The following GPR89B variants were observed in gnomAD, a reference collection of about 807,000 sequenced individuals.
GPR89B encodes the protein G protein-coupled receptor 89B.
GPR89B carries 25 observed loss-of-function variants against 52.4 expected under a neutral mutation model. The observed-to-expected ratio is 0.48, with a 90% CI of 0.35 to 0.67. The LOEUF (loss-of-function observed/expected upper bound fraction) is 0.67, where lower values mean the gene tolerates loss of function less well. GPR89B is among the 30% of genes least tolerant of loss of function. The probability of loss-of-function intolerance (pLI) is 0.01; values close to 1 mark genes in which losing one functional copy is unlikely to be tolerated. For synonymous variants in GPR89B, 52 were observed against 151.2 expected (o/e 0.34, Z 4.81); for missense variants, 146 against 450.2 (o/e 0.32, Z 6.11).
At chr1:147,986,345 A>G in intron 11 of GPR89B, 51 bp downstream of exon 11, 9 of 1,606,596 alleles carry the variant, frequency 5.6e-6, no homozygotes, top group East Asian at 2.2e-5. Context: ...TTTATCTGCT[A>G]TAACTTATCA....
At chr1:147,954,966 C>T (rs2784383) in intron 7 of GPR89B, among the ~76,000 whole-genome samples, 2 of 151,472 alleles carry the variant, frequency 1.3e-5, no homozygotes, top group South Asian at 2.1e-4. Context: ...TTATTTATTA[C>T]ATTCATCATG....
chr1:147,937,559 C>A (rs1654192658), intron 2 of GPR89B, among the ~76,000 whole-genome samples: 2 of 152,108 alleles, frequency 1.3e-5, no homozygotes, highest in Non-Finnish European at 2.9e-5. Context: ...CCCAGAGCGG[C>A]CATTCATAGA....
intron 10 of GPR89B, among the ~76,000 whole-genome samples, chr1:147,985,906 T>A (rs1658628484): frequency 6.6e-6 from 1 of 152,246 alleles, no homozygotes; most frequent in African/African-American, 2.4e-5. Context: ...TGACTTCATC[T>A]ACCAAAATGT....
intron 5 of GPR89B, among the ~76,000 whole-genome samples, chr1:147,950,653 G>C (rs1655590381): frequency 6.6e-6 from 1 of 152,232 alleles, no homozygotes; most frequent in African/African-American, 2.4e-5. Context: ...ATTGAGCACT[G>C]AGTGAACCAG....
chr1:148,023,787 AT>A, the GPR89B span, among the ~76,000 whole-genome samples: 5 of 150,824 alleles, frequency 3.3e-5, no homozygotes, highest in African/African-American at 1.2e-4. Flanking sequence ...TAATGGGATT[AT>A]TTTTTTTCTT....
At chr1:147,973,334 CT>C (rs1369012082) in intron 10 of GPR89B, among the ~76,000 whole-genome samples, 1 of 152,044 alleles carries the variant, frequency 6.6e-6, no homozygotes, top group African/African-American at 2.4e-5. Context: ...TGTTTCTTGA[CT>C]TTTTAATAAT....
chr1:147,933,979 A>T (rs1374504136), intron 1 of GPR89B, among the ~76,000 whole-genome samples: 1 of 151,678 alleles, frequency 6.6e-6, no homozygotes, highest in Non-Finnish European at 1.5e-5. Flanking sequence ...CAGTGATTGG[A>T]CATCCACTCC....
chr1:147,955,508 T>C lies in GPR89B; in HGVS notation c.617+1106T>C, dbSNP rs1477537511. Reference sequence around the variant, plus strand: ...ACTATTTTCCATAGGGTTGTGCTAATTTATATTTCCACAAACAATGTAATA... The same window carrying C: ...ACTATTTTCCATAGGGTTGTGCTAACTTATATTTCCACAAACAATGTAATA... On this transcript the variant is annotated intron_variant, in intron 7 of 13. Transcript: ENST00000314163. 6.4e-4 allele frequency among the ~76,000 whole-genome samples: 98 copies of C among 152,008 alleles called. 1 individual carries two copies. Among genetic ancestry groups the C allele is most frequent in the Non-Finnish European group, 8.5e-4 (58 of 68,010 alleles).
chr1:147,986,530 T>C (rs1423584823), intron 11 of GPR89B, among the ~76,000 whole-genome samples: 3 of 152,152 alleles, frequency 2.0e-5, no homozygotes, highest in African/African-American at 7.2e-5. Flanking sequence ...TAATGACTGA[T>C]ACTTAATATT....
chr1:147,985,595 A>T (rs2796949), intron 10 of GPR89B, among the ~76,000 whole-genome samples: 6,039 of 150,748 alleles, frequency 0.04, 159 homozygotes, highest in African/African-American at 0.065. Flanking sequence ...GCTCACCTAT[A>T]ATGCAGACCA....
At chr1:148,019,009 G>C in the GPR89B span, among the ~76,000 whole-genome samples, 1 of 149,680 alleles carries the variant, frequency 6.7e-6, no homozygotes, top group South Asian at 2.1e-4. Context: ...ACAGAGTCTC[G>C]CTCTGTCACC....
chr1:147,952,121 A>G (rs2995484), intron 5 of GPR89B, among the ~76,000 whole-genome samples: 6,666 of 151,856 alleles, frequency 0.044, 234 homozygotes, highest in African/African-American at 0.074. Context: ...AGTAACTGCC[A>G]AAGGCAATGG....
At chr1:147,933,286 T>C (rs1249644091) in intron 1 of GPR89B, among the ~76,000 whole-genome samples, 1 of 151,960 alleles carries the variant, frequency 6.6e-6, no homozygotes, top group Non-Finnish European at 1.5e-5. Context: ...TCCCCACTGC[T>C]TTAGCTCCCA....
chr1:148,013,626 C>G, the GPR89B span, among the ~76,000 whole-genome samples: 1 of 152,044 alleles, frequency 6.6e-6, no homozygotes, highest in Non-Finnish European at 1.5e-5. Context: ...ATGTGGCCAG[C>G]TCCTGGGCCA....
At chr1:147,994,766 T>G (rs1343244853), downstream of GPR89B, among the ~76,000 whole-genome samples, 16 of 152,178 alleles carry the variant, frequency 1.1e-4, no homozygotes, top group African/African-American at 2.9e-4. Context: ...TATTAAGCAT[T>G]CCTGAATACA....
chr1:148,006,818 G>A, the GPR89B span, among the ~76,000 whole-genome samples: 1 of 151,500 alleles, frequency 6.6e-6, no homozygotes, highest in Non-Finnish European at 1.5e-5. Flanking sequence ...CCCGGTTCAA[G>A]CGATTCTTCT....
intron 1 of GPR89B, among the ~76,000 whole-genome samples, chr1:147,933,242 T>C (rs587630553): frequency 0.022 from 3,290 of 151,368 alleles, 55 homozygotes; most frequent in Non-Finnish European, 0.035. Flanking sequence ...TTTTTCTCAT[T>C]CCTGGCTCTC....
intron 13 of GPR89B, 57 bp from the exon 14 acceptor site, chr1:147,992,654 T>C: frequency 1.4e-6 from 2 of 1,454,804 alleles, no homozygotes; most frequent in East Asian, 2.3e-5. Flanking sequence ...TAATTTCCTT[T>C]GTCCTGTTCC....
chr1:147,968,183 A>G (rs1657168385), intron 8 of GPR89B: 1 of 440,516 alleles, frequency 2.3e-6, no homozygotes, highest in African/African-American at 2.0e-5. Context: ...CCTGTTCTCT[A>G]AATGGGAGAA....
Sources: gnomAD v4.1 joint callset for allele counts (sites outside exome capture counted in the v4.1 genomes callset) on GRCh38, gnomAD v4.1.1 for gene constraint, MANE v1.5 for transcripts, NCBI Gene and HGNC (gene_info 2026-07-23, HGNC 2026-07-21) for gene names.